The following RTTN variants were observed in gnomAD, a reference collection of about 807,000 sequenced individuals.
RTTN encodes rotatin.
A neutral mutation model predicts 269.2 loss-of-function variants in RTTN; 182 were observed. The ratio of observed to expected loss-of-function variants is 0.68; its 90% confidence interval spans 0.60 to 0.76. RTTN has a LOEUF of 0.76. Ranked by LOEUF, RTTN falls within the 30% of genes least tolerant of loss-of-function variation. The pLI, the probability that RTTN is intolerant of heterozygous loss-of-function variation, is 0.00. For missense variants in RTTN, 2,545 were observed against 2,608.6 expected, an observed-to-expected ratio of 0.98 and a Z score of 0.53; for synonymous variants, 1,006 against 963.5, an observed-to-expected ratio of 1.04 and a Z score of -0.82.
At chr18:70,112,483 CAA>C (rs36147576) in intron 27 of RTTN, among the ~76,000 whole-genome samples, 1,049 of 68,048 alleles carry the variant, frequency 0.015, 20 homozygotes, top group Non-Finnish European at 0.019. Context: ...AAATGGAAAG[CAA>C]AAAAAAAAAA....
rs1001944184 is a variant in RTTN, at chr18:70,166,322, T to C, written c.1803-134A>G. 3.8e-6 allele frequency: 3 copies of C among 790,104 alleles called. No homozygotes were observed. The African/African-American group carries it at 5.2e-5, about 14-fold the overall frequency. The allele number at this position is 790,104 out of a possible 1,614,324, so 48.9% of individuals were successfully genotyped here. On this transcript the variant is annotated intron_variant, in intron 13 of 48. Transcript: ENST00000640769. ...AGATCTTATTAAAAATAACCAATAC[T>C]AGCAAGTACTCACCTAAGCACTTAT...
In RTTN at chr18:70,003,625, T is replaced by C. The variant is rs1238514819; in HGVS notation, c.*526A>G. 1 of 152,262 alleles carries C rather than the reference T, an allele frequency of 6.6e-6. No homozygotes were observed. Among genetic ancestry groups the C allele is most frequent in the Admixed American group, 6.5e-5 (1 of 15,294 alleles). 9.4% of individuals were successfully genotyped at this position (152,262 alleles called of 1,614,324 possible). A position where few individuals can be genotyped will look rare whatever the true frequency, so the allele number is the denominator to read the frequency against. ...ACTTCTACATAGCCCTTTTCCAGTG[T>C]GGATGCTCTGGATAACAGAAAGTTT... On this transcript the variant is annotated 3_prime_UTR_variant, in exon 49 of 49. Coordinates refer to ENST00000640769, the MANE Select transcript of RTTN (RefSeq NM_173630.4).
intron 25 of RTTN, among the ~76,000 whole-genome samples, 199 bp downstream of exon 25, chr18:70,127,303 T>C (rs2059889666): frequency 6.6e-6 from 1 of 152,206 alleles, no homozygotes; most frequent in South Asian, 2.1e-4. Context: ...TACAAGTTTA[T>C]TAATAATCCC....
At chr18:70,184,707 TTTTTTTTTTTGTGTGTGTGTGTG>T (rs1482833040) in intron 10 of RTTN, among the ~76,000 whole-genome samples, 16 of 60,706 alleles carry the variant, frequency 2.6e-4, no homozygotes, top group African/African-American at 9.6e-4. Context: ...CAGCAGGTTT[TTTTTTTTTTTGTGTGTGTGTGTG>T]TGTGTGTGTG....
intron 46 of RTTN, among the ~76,000 whole-genome samples, chr18:70,009,853 A>C (rs532721547): frequency 9.8e-5 from 15 of 152,304 alleles, no homozygotes; most frequent in Admixed American, 2.6e-4. Flanking sequence ...GCAAAGACAC[A>C]CATAGGCTCA....
At chr18:70,107,954 ACT>A (rs2059364779) in intron 28 of RTTN, among the ~76,000 whole-genome samples, 2 of 152,126 alleles carry the variant, frequency 1.3e-5, no homozygotes, top group Admixed American at 1.3e-4. Context: ...ATAAAAAGAA[ACT>A]CTGAACGATT....
chr18:70,102,754 T>G (rs963596242), intron 28 of RTTN, among the ~76,000 whole-genome samples: 41 of 152,230 alleles, frequency 2.7e-4, no homozygotes, highest in South Asian at 4.1e-4. Flanking sequence ...GGAGCTCTTG[T>G]AAGGCAGGCC....
intron 32 of RTTN, among the ~76,000 whole-genome samples, chr18:70,075,940 T>C (rs2058418925): frequency 6.6e-6 from 1 of 152,086 alleles, no homozygotes; most frequent in African/African-American, 2.4e-5. Context: ...ATATATTATG[T>C]TCAGAATTAT....
intron 32 of RTTN, among the ~76,000 whole-genome samples, chr18:70,077,457 T>A (rs2058457102): frequency 6.6e-6 from 1 of 151,976 alleles, no homozygotes; most frequent in African/African-American, 2.4e-5. Context: ...CTGATGGCCA[T>A]ACCAACTGTT....
At chr18:70,063,220 T>C (rs746484311) in intron 35 of RTTN, among the ~76,000 whole-genome samples, 1 of 152,234 alleles carries the variant, frequency 6.6e-6, no homozygotes, top group Non-Finnish European at 1.5e-5. Context: ...TCTAACAATG[T>C]ATGAAAGTGC....
At chr18:70,167,254 T>G (rs1286722605) in intron 12 of RTTN, among the ~76,000 whole-genome samples, 1 of 152,242 alleles carries the variant, frequency 6.6e-6, no homozygotes, top group Non-Finnish European at 1.5e-5. Context: ...TTCTATTATT[T>G]AACTCTGAGT....
chr18:70,181,047 T>C (rs1267047901), intron 10 of RTTN, among the ~76,000 whole-genome samples: 3 of 152,198 alleles, frequency 2.0e-5, no homozygotes, highest in Non-Finnish European at 4.4e-5. Flanking sequence ...CAGTTATCAA[T>C]TCACAATCTG....
chr18:70,140,318 A>G (rs1451372647), intron 19 of RTTN, 130 bp from the exon 20 acceptor site: 27 of 583,500 alleles, frequency 4.6e-5, no homozygotes, highest in Middle Eastern at 4.6e-4. Context: ...TGGGGTTGAC[A>G]TAAGAGTATG....
At chr18:70,046,314 G>A (rs1279703663) in intron 40 of RTTN, among the ~76,000 whole-genome samples, 1 of 152,124 alleles carries the variant, frequency 6.6e-6, no homozygotes, top group African/African-American at 2.4e-5. Context: ...GCCTCAGCAG[G>A]GAGGGCAGGG....
At chr18:70,183,248 G>C (rs111509771) in intron 10 of RTTN, among the ~76,000 whole-genome samples, 1 of 152,206 alleles carries the variant, frequency 6.6e-6, no homozygotes, top group African/African-American at 2.4e-5. Context: ...TTTAGGAGAT[G>C]AAGATGCCTG....
chr18:70,006,626 C>G, intron 46 of RTTN, 142 bp from the exon 47 acceptor site: 1 of 653,594 alleles, frequency 1.5e-6, no homozygotes, highest in African/African-American at 1.8e-5. Flanking sequence ...CAAAACCAAT[C>G]TTTTATGCCA....
At chr18:70,028,516 T>G (rs2056917697) in intron 43 of RTTN, among the ~76,000 whole-genome samples, 1 of 152,116 alleles carries the variant, frequency 6.6e-6, no homozygotes, top group Non-Finnish European at 1.5e-5. Flanking sequence ...AGGCTGAAGT[T>G]TGCGAAGAAA....
chr18:70,072,871 A>C (rs1014090935), intron 34 of RTTN, among the ~76,000 whole-genome samples: 2 of 152,136 alleles, frequency 1.3e-5, no homozygotes, highest in Admixed American at 1.3e-4. Context: ...CCACCTTGGA[A>C]AGGAAAGCAT....
At chr18:70,108,341 A>G (rs2059376791) in intron 28 of RTTN, among the ~76,000 whole-genome samples, 1 of 152,194 alleles carries the variant, frequency 6.6e-6, no homozygotes, top group African/African-American at 2.4e-5. Flanking sequence ...CTGCAAACCA[A>G]GATTGTTTCA....
Sources: allele counts gnomAD v4.1 joint callset (sites outside exome capture counted in the v4.1 genomes callset), GRCh38; gene constraint gnomAD v4.1.1; transcripts MANE v1.5; gene names NCBI Gene and HGNC (gene_info 2026-07-23, HGNC 2026-07-21).